Variants in PKHD1 observed in about 807,000 individuals in gnomAD.
The protein encoded by PKHD1 is PKHD1 ciliary IPT domain containing fibrocystin/polyductin, also known as fibrocystin.
A neutral mutation model predicts 412.0 loss-of-function variants in PKHD1; 291 were observed. That is an observed-to-expected ratio of 0.71 (90% confidence interval 0.64 to 0.78). The LOEUF (loss-of-function observed/expected upper bound fraction) is 0.78, where lower values mean the gene tolerates loss of function less well. Ranked by LOEUF, PKHD1 falls within the 30% of genes least tolerant of loss-of-function variation. PKHD1 has a pLI of 0.00. For missense variants in PKHD1, 4,825 were observed against 4,950.7 expected, an observed-to-expected ratio of 0.97 and a Z score of 0.76; for synonymous variants, 1,777 against 1,821.5, an observed-to-expected ratio of 0.98 and a Z score of 0.62.
intron 35 of PKHD1, among the ~76,000 whole-genome samples, chr6:51,968,221 C>G (rs1188314812): frequency 6.6e-6 from 1 of 152,116 alleles, no homozygotes; most frequent in Non-Finnish European, 1.5e-5. Context: ...AAATAATGAT[C>G]TCCTCAAGGG....
intron 3 of PKHD1, 59 bp downstream of exon 3, chr6:52,083,119 G>T: frequency 1.8e-6 from 2 of 1,131,156 alleles, no homozygotes; most frequent in Non-Finnish European, 2.7e-6. Context: ...AAGACTCATA[G>T]TCTTTAGGAT....
intron 37 of PKHD1, among the ~76,000 whole-genome samples, chr6:51,930,609 A>G (rs1293543970): frequency 6.6e-6 from 1 of 152,220 alleles, no homozygotes; most frequent in Non-Finnish European, 1.5e-5. Context: ...TGGGAAAGTG[A>G]TCGGACTGAC....
intron 60 of PKHD1, chr6:51,720,701 A>T (rs1359122117): frequency 6.6e-6 from 1 of 151,232 alleles, no homozygotes; most frequent in Non-Finnish European, 1.5e-5. Flanking sequence ...GATATTATTC[A>T]TATATACCTA....
intron 60 of PKHD1, among the ~76,000 whole-genome samples, chr6:51,686,685 G>C (rs1363099729): frequency 6.6e-6 from 1 of 152,096 alleles, no homozygotes; most frequent in Non-Finnish European, 1.5e-5. Flanking sequence ...ATGAGAGCAG[G>C]GTTATTTGTC....
intron 35 of PKHD1, among the ~76,000 whole-genome samples, chr6:51,961,737 G>A (rs79651864): frequency 0.069 from 10,424 of 152,114 alleles, 523 homozygotes; most frequent in Non-Finnish European, 0.11. Context: ...GCAGAACAGG[G>A]TGAACCAGGT....
At chr6:51,896,405 C>T (rs1490743286) in intron 43 of PKHD1, among the ~76,000 whole-genome samples, 1 of 151,990 alleles carries the variant, frequency 6.6e-6, no homozygotes, top group African/African-American at 2.4e-5. Flanking sequence ...CAGGGGCACA[C>T]TGACACCTCA....
intron 40 of PKHD1, among the ~76,000 whole-genome samples, chr6:51,907,546 A>G (rs1007891077): frequency 6.6e-6 from 1 of 152,176 alleles, no homozygotes; most frequent in African/African-American, 2.4e-5. Flanking sequence ...TGTAGCTCTT[A>G]TGGGCGGAAT....
intron 52 of PKHD1, among the ~76,000 whole-genome samples, chr6:51,811,405 G>A (rs960148925): frequency 5.9e-5 from 9 of 152,134 alleles, no homozygotes; most frequent in Non-Finnish European, 8.8e-5. Flanking sequence ...CCTACTCTGG[G>A]TAACTACACT....
At chr6:52,062,749 G>T in intron 13 of PKHD1, 89 bp from the exon 14 acceptor site, 2 of 1,507,872 alleles carry the variant, frequency 1.3e-6, no homozygotes, top group South Asian at 1.1e-5. Context: ...GGTGAAAGAT[G>T]ACCCAGATGC....
At position 51,911,808 on chromosome 6, in the gene PKHD1, C is replaced by T; in HGVS notation, c.6481G>A (p.Ala2161Thr). The T allele has an allele frequency of 6.2e-7, 1 of 1,612,672 alleles. No individual in the cohort carries two copies. The highest frequency in any genetic ancestry group is 8.5e-7 in the Non-Finnish European group (1 of 1,178,934). Residue 2161 changes from alanine to threonine, a missense_variant, in exon 39 of 67, where the codon GCT becomes ACT. By Grantham distance (58) the Ala-to-Thr change is moderately conservative. Transcript: ENST00000371117. ...KLLVSCQEAN[A>T]PEGNLQHCLY... ...CAAAACACTCTTCTACCTTCTGGAG[C>T]ATTGGCCTCCTGGCATGAAACAAGC...
chr6:51,766,617 ATTTT>A (rs1789072946), intron 55 of PKHD1, among the ~76,000 whole-genome samples: 2 of 151,276 alleles, frequency 1.3e-5, no homozygotes, highest in African/African-American at 4.8e-5. Flanking sequence ...GTGTATTCAT[ATTTT>A]TATTTTCATT....
intron 43 of PKHD1, among the ~76,000 whole-genome samples, chr6:51,896,562 G>A (rs1387220471): frequency 6.6e-6 from 1 of 151,290 alleles, no homozygotes; most frequent in East Asian, 1.9e-4. Flanking sequence ...CAAAGATGGG[G>A]AAAAAACAGA....
intron 13 of PKHD1, among the ~76,000 whole-genome samples, chr6:52,064,369 C>T (rs1323417109): frequency 6.6e-6 from 1 of 152,218 alleles, no homozygotes; most frequent in Non-Finnish European, 1.5e-5. Context: ...AGGGTGGATG[C>T]TTTAAACAGA....
intron 65 of PKHD1, among the ~76,000 whole-genome samples, chr6:51,628,213 C>G (rs987299695): frequency 2.6e-5 from 4 of 152,056 alleles, no homozygotes; most frequent in African/African-American, 7.2e-5. Flanking sequence ...AGTTTTTCAA[C>G]CCTTACCCCC....
chr6:52,029,111 T>C (rs1010125259), intron 29 of PKHD1, among the ~76,000 whole-genome samples: 1 of 152,224 alleles, frequency 6.6e-6, no homozygotes, highest in African/African-American at 2.4e-5. Context: ...GTTATCCCAC[T>C]TGGTCCACAC....
intron 60 of PKHD1, among the ~76,000 whole-genome samples, chr6:51,686,435 T>G (rs148660986): frequency 5.0e-3 from 763 of 152,252 alleles, no homozygotes; most frequent in Middle Eastern, 0.024. Flanking sequence ...CCAAGGCAGA[T>G]CTCTCTACTT....
chr6:51,717,677 T>G (rs1781441750), intron 60 of PKHD1, among the ~76,000 whole-genome samples: 1 of 152,130 alleles, frequency 6.6e-6, no homozygotes, highest in African/African-American at 2.4e-5. Context: ...ACACAATGAT[T>G]AAATAATCTA....
intron 43 of PKHD1, among the ~76,000 whole-genome samples, chr6:51,891,322 C>T (rs1779084448): frequency 6.6e-6 from 1 of 152,062 alleles, no homozygotes; most frequent in Non-Finnish European, 1.5e-5. Context: ...TCTTGTTGCC[C>T]AGGCTGGAGT....
chr6:51,858,352 G>A (rs918810337), intron 48 of PKHD1, among the ~76,000 whole-genome samples: 1 of 152,056 alleles, frequency 6.6e-6, no homozygotes, highest in African/African-American at 2.4e-5. Context: ...ATAATCCCAG[G>A]ATATTTTCCA....
Sources: gnomAD v4.1 joint callset for allele counts (sites outside exome capture counted in the v4.1 genomes callset) on GRCh38, gnomAD v4.1.1 for gene constraint, MANE v1.5 for transcripts, NCBI Gene and HGNC (gene_info 2026-07-23, HGNC 2026-07-21) for gene names.